The following ARID2 variants were observed in gnomAD, a reference collection of about 807,000 sequenced individuals.
ARID2 encodes the protein AT-rich interaction domain 2.
In ARID2, 32 loss-of-function variants were observed where a neutral mutation model predicts 184.6. The ratio of observed to expected loss-of-function variants is 0.17; its 90% CI spans 0.13 to 0.23. The LOEUF (loss-of-function observed/expected upper bound fraction) is 0.23, where lower values mean the gene tolerates loss of function less well. Ranked by LOEUF, ARID2 falls within the 10% of genes least tolerant of loss-of-function variation. The pLI is 1.00. For synonymous variants in ARID2, 836 were observed against 772.6 expected (o/e 1.08, Z -1.36); for missense variants, 1,696 against 2,197.6 (o/e 0.77, Z 4.56).
chr12:45,844,022 TTTTC>T (rs1281909363), intron 11 of ARID2, among the ~76,000 whole-genome samples: 1 of 152,120 alleles, frequency 6.6e-6, no homozygotes, highest in Non-Finnish European at 1.5e-5. Flanking sequence ...CTTCTATACT[TTTTC>T]TTTCTTTCTC....
intron 20 of ARID2, 103 bp downstream of exon 20, chr12:45,893,824 A>G: frequency 3.7e-6 from 4 of 1,092,876 alleles, no homozygotes; most frequent in Non-Finnish European, 1.2e-6. Context: ...TGTTTTTCTC[A>G]TCAATTTTGC....
intron 11 of ARID2, chr12:45,842,305 A>G (rs865906057): frequency 1.4e-5 from 2 of 144,116 alleles, no homozygotes; most frequent in South Asian, 2.1e-4. Context: ...GTGTATATAT[A>G]TACACACATG....
intron 3 of ARID2, among the ~76,000 whole-genome samples, chr12:45,789,837 C>T (rs35030579): frequency 2.6e-5 from 4 of 152,238 alleles, no homozygotes; most frequent in Non-Finnish European, 5.9e-5. Context: ...ATTTTGAAGG[C>T]TGGGTGTAGT....
At chr12:45,759,067 T>A (rs1056798059) in intron 3 of ARID2, among the ~76,000 whole-genome samples, 4 of 152,116 alleles carry the variant, frequency 2.6e-5, no homozygotes, top group African/African-American at 9.7e-5. Flanking sequence ...TAGAGGTATT[T>A]AGCAGGCTGT....
chr12:45,868,119 A>C (rs770548461), intron 16 of ARID2, among the ~76,000 whole-genome samples: 9 of 152,050 alleles, frequency 5.9e-5, no homozygotes, highest in Non-Finnish European at 8.8e-5. Flanking sequence ...CTTCCTAAAA[A>C]TTTGCAATAC....
intron 20 of ARID2, among the ~76,000 whole-genome samples, chr12:45,902,723 TTAG>T (rs944316783): frequency 3.3e-5 from 5 of 152,040 alleles, no homozygotes; most frequent in African/African-American, 1.2e-4. Context: ...TTTTGTATTT[TTAG>T]TAGAGATGGG....
chr12:45,839,771 A>G (rs919403511), intron 11 of ARID2: 1 of 296,646 alleles, frequency 3.4e-6, no homozygotes, highest in Non-Finnish European at 6.2e-6. Flanking sequence ...TACGATAGCT[A>G]TAAGTGCCCC....
chr12:45,865,163 G>A (rs961736220), intron 16 of ARID2, among the ~76,000 whole-genome samples: 8 of 152,142 alleles, frequency 5.3e-5, no homozygotes, highest in African/African-American at 1.7e-4. Flanking sequence ...TGATAGGCAA[G>A]ATAGTCTGTG....
At chr12:45,895,424 T>C (rs892610700) in intron 20 of ARID2, among the ~76,000 whole-genome samples, 2 of 152,208 alleles carry the variant, frequency 1.3e-5, no homozygotes, top group Non-Finnish European at 2.9e-5. Flanking sequence ...AGGGATTCAG[T>C]ATTTTGATCT....
chr12:45,814,008 TGA>T (rs1342033500), intron 4 of ARID2, among the ~76,000 whole-genome samples: 1 of 152,188 alleles, frequency 6.6e-6, no homozygotes, highest in Non-Finnish European at 1.5e-5. Flanking sequence ...ATTATTATGA[TGA>T]TTTAATCCAA....
intron 16 of ARID2, among the ~76,000 whole-genome samples, chr12:45,870,284 G>A (rs904149377): frequency 1.3e-5 from 2 of 152,082 alleles, no homozygotes; most frequent in Non-Finnish European, 2.9e-5. Context: ...CACTGTGTCC[G>A]GCCAAAACCA....
chr12:45,792,467 A>G (rs558811159), intron 3 of ARID2, among the ~76,000 whole-genome samples: 2 of 152,198 alleles, frequency 1.3e-5, no homozygotes, highest in Non-Finnish European at 2.9e-5. Context: ...AATATATTCT[A>G]TCTGTGCTTA....
intron 4 of ARID2, among the ~76,000 whole-genome samples, chr12:45,813,173 CA>C (rs1942742227): frequency 6.6e-6 from 1 of 151,912 alleles, no homozygotes; most frequent in Non-Finnish European, 1.5e-5. Context: ...TTATGTGTAA[CA>C]TGTGTAATGA....
chr12:45,890,704 A>C (rs1177344468), intron 16 of ARID2, among the ~76,000 whole-genome samples: 3 of 152,158 alleles, frequency 2.0e-5, no homozygotes, highest in Non-Finnish European at 4.4e-5. Context: ...TCAGTATTTA[A>C]TTACTTTTTT....
chr12:45,849,005 A>C (rs1943491989), intron 13 of ARID2, 35 bp downstream of exon 13: 1 of 1,589,800 alleles, frequency 6.3e-7, no homozygotes, highest in African/African-American at 1.4e-5. Flanking sequence ...AAGTCCATTT[A>C]CGTCACTTAC....
At chr12:45,761,172 C>G (rs1941671926) in intron 3 of ARID2, among the ~76,000 whole-genome samples, 1 of 152,134 alleles carries the variant, frequency 6.6e-6, no homozygotes, top group South Asian at 2.1e-4. Flanking sequence ...TTCTCTTCTC[C>G]CTTCCTTGCC....
At chr12:45,904,861 C>A in intron 20 of ARID2, 73 bp from the exon 21 acceptor site, 1 of 1,536,532 alleles carries the variant, frequency 6.5e-7, no homozygotes, top group Non-Finnish European at 8.8e-7. Context: ...AGTTTTTAAA[C>A]TTGCAAAATT....
intron 20 of ARID2, 63 bp downstream of exon 20, chr12:45,893,784 A>T: frequency 7.7e-7 from 1 of 1,296,298 alleles, no homozygotes; most frequent in Non-Finnish European, 1.0e-6. Flanking sequence ...CATATAAGTT[A>T]ATAAAATTAG....
intron 16 of ARID2, among the ~76,000 whole-genome samples, chr12:45,877,302 CCT>C (rs1431970507): frequency 5.3e-5 from 8 of 151,936 alleles, no homozygotes; most frequent in African/African-American, 9.7e-5. Flanking sequence ...AGCTCTGCCC[CCT>C]GTTAGATCAG....
Sources: allele counts gnomAD v4.1 joint callset (sites outside exome capture counted in the v4.1 genomes callset), GRCh38; gene constraint gnomAD v4.1.1; transcripts MANE v1.5; gene names NCBI Gene and HGNC (gene_info 2026-07-23, HGNC 2026-07-21).